NXPE4: variants seen among roughly 807,000 people sequenced by gnomAD.
NXPE4 encodes NXPE family member 4.
A neutral mutation model predicts 33.3 loss-of-function variants in NXPE4; 42 were observed. The observed-to-expected ratio is 1.26, with a 90% CI of 0.98 to 1.63. NXPE4 has a LOEUF of 1.63. Among genes scored for constraint, NXPE4 ranks in the 40% most tolerant of loss-of-function variants. The pLI, the probability that NXPE4 is intolerant of heterozygous loss-of-function variation, is 0.00. For synonymous variants in NXPE4, 253 were observed against 234.9 expected (o/e 1.08, Z -0.71); for missense variants, 709 against 647.6 (o/e 1.09, Z -1.03).
the NXPE4 span, among the ~76,000 whole-genome samples, chr11:114,641,169 C>G: frequency 6.6e-6 from 1 of 151,784 alleles, no homozygotes; most frequent in Non-Finnish European, 1.5e-5. Context: ...GAAGATTAGG[C>G]TGAAGAACTC....
At chr11:114,630,286 C>G in the NXPE4 span, among the ~76,000 whole-genome samples, 1 of 151,788 alleles carries the variant, frequency 6.6e-6, no homozygotes, top group African/African-American at 2.4e-5. Context: ...TAAAAGGCTA[C>G]AGTAACCAAA....
chr11:114,602,693 CAT>C, the NXPE4 span, among the ~76,000 whole-genome samples: 4 of 138,896 alleles, frequency 2.9e-5, no homozygotes, highest in Non-Finnish European at 4.5e-5. Context: ...ATAATTATCT[CAT>C]ATATAATAAT....
chr11:114,628,506 G>A, the NXPE4 span, among the ~76,000 whole-genome samples: 2 of 151,968 alleles, frequency 1.3e-5, no homozygotes, highest in African/African-American at 4.8e-5. Flanking sequence ...GAATCTCTGG[G>A]ACACATTCAA....
the NXPE4 span, among the ~76,000 whole-genome samples, chr11:114,603,242 C>G: frequency 6.8e-6 from 1 of 147,350 alleles, no homozygotes; most frequent in African/African-American, 2.5e-5. Context: ...AGTATTGCCT[C>G]GTCTCCTAGG....
At position 114,582,601 on chromosome 11, in the gene NXPE4, C is replaced by T; in HGVS notation, c.517G>A (p.Gly173Ser). 1 of 1,614,138 alleles carries T rather than the reference C, an allele frequency of 6.2e-7. No individual in the cohort carries two copies. The highest frequency in any genetic ancestry group is 8.5e-7 in the Non-Finnish European group (1 of 1,179,996). The part of the protein sequence containing the change: ...YLVSFTLFWE[G>S]QVSLSLLLIH... ...AGCAGCAGAGACAGAGAGACCTGGC[C>T]CTCCCAGAACAGAGTGAAGCTGACC... The change falls in exon 3 of 6, where the codon GGC becomes AGC. Residue 173 changes from glycine to serine, a missense_variant. Coordinates refer to ENST00000375478, the MANE Select transcript of NXPE4 (RefSeq NM_001077639.2).
At chr11:114,622,954 CA>C in the NXPE4 span, among the ~76,000 whole-genome samples, 2 of 152,070 alleles carry the variant, frequency 1.3e-5, no homozygotes, top group Admixed American at 1.3e-4. Context: ...CACTGTTACC[CA>C]TTGGGTAATA....
upstream of NXPE4, among the ~76,000 whole-genome samples, chr11:114,596,700 A>C (rs1216066201): frequency 6.6e-6 from 1 of 152,198 alleles, no homozygotes; most frequent in Admixed American, 6.6e-5. Flanking sequence ...CTATAATAAG[A>C]AAAAAGTATT....
At chr11:114,626,439 A>G in the NXPE4 span, among the ~76,000 whole-genome samples, 1 of 152,162 alleles carries the variant, frequency 6.6e-6, no homozygotes, top group African/African-American at 2.4e-5. Flanking sequence ...GTGGCCGGGT[A>G]CTCCAACAGA....
chr11:114,650,416 G>A, the NXPE4 span, among the ~76,000 whole-genome samples: 3 of 152,210 alleles, frequency 2.0e-5, no homozygotes, highest in South Asian at 2.1e-4. Context: ...GAAAGACTCA[G>A]AGAAGACCAG....
At chr11:114,587,330 A>G (rs1949327194) in intron 2 of NXPE4, among the ~76,000 whole-genome samples, 1 of 152,202 alleles carries the variant, frequency 6.6e-6, no homozygotes, top group Non-Finnish European at 1.5e-5. Flanking sequence ...GAGGAATTTA[A>G]TTCCGGAAGT....
chr11:114,577,333 T>G (rs1231903669), intron 5 of NXPE4, among the ~76,000 whole-genome samples: 1 of 151,692 alleles, frequency 6.6e-6, no homozygotes, highest in Non-Finnish European at 1.5e-5. Flanking sequence ...CTCACTCATA[T>G]GTGGGAACTA....
chr11:114,577,777 A>G (rs1433294077), intron 5 of NXPE4, among the ~76,000 whole-genome samples: 1 of 152,182 alleles, frequency 6.6e-6, no homozygotes, highest in African/African-American at 2.4e-5. Flanking sequence ...TTTACATAAA[A>G]AACAAGTAAA....
the NXPE4 span, among the ~76,000 whole-genome samples, chr11:114,639,783 A>G: frequency 3.9e-5 from 5 of 127,244 alleles, 1 homozygote; most frequent in Admixed American, 2.8e-4. Flanking sequence ...AATATAAAAT[A>G]TAATATATAT....
At chr11:114,635,789 C>G in the NXPE4 span, among the ~76,000 whole-genome samples, 2 of 152,024 alleles carry the variant, frequency 1.3e-5, no homozygotes, top group Non-Finnish European at 2.9e-5. Flanking sequence ...ATATATTGAA[C>G]CAGGCTTGCA....
chr11:114,610,867 G>A, the NXPE4 span, among the ~76,000 whole-genome samples: 3 of 151,714 alleles, frequency 2.0e-5, no homozygotes, highest in East Asian at 2.0e-4. Flanking sequence ...ACTGTTCCCC[G>A]GGGGAAAATA....
At chr11:114,623,126 G>A in the NXPE4 span, among the ~76,000 whole-genome samples, 1 of 152,100 alleles carries the variant, frequency 6.6e-6, no homozygotes. Flanking sequence ...GTTACCCGGT[G>A]GATAATAAGT....
chr11:114,626,021 T>A, the NXPE4 span, among the ~76,000 whole-genome samples: 1 of 152,086 alleles, frequency 6.6e-6, no homozygotes, highest in Non-Finnish European at 1.5e-5. Flanking sequence ...GCTCAAAGGG[T>A]CCTACGCCCA....
At chr11:114,619,212 G>T in the NXPE4 span, among the ~76,000 whole-genome samples, 1 of 151,880 alleles carries the variant, frequency 6.6e-6, no homozygotes, top group East Asian at 2.0e-4. Flanking sequence ...ATTGCCTCTA[G>T]GGTAACCACT....
the NXPE4 span, among the ~76,000 whole-genome samples, chr11:114,637,023 ACTTT>A: frequency 6.6e-6 from 1 of 152,024 alleles, no homozygotes; most frequent in Non-Finnish European, 1.5e-5. Context: ...ATCGTTGTTG[ACTTT>A]CTGTCTCATT....
Sources: allele counts gnomAD v4.1 joint callset (sites outside exome capture counted in the v4.1 genomes callset), GRCh38; gene constraint gnomAD v4.1.1; transcripts MANE v1.5; gene names NCBI Gene and HGNC (gene_info 2026-07-23, HGNC 2026-07-21).